The following IP6K1 variants were observed in gnomAD, a reference collection of about 807,000 sequenced individuals.
IP6K1 encodes the protein ATP:1D-myo-inositol-hexakisphosphate phosphotransferase.
In IP6K1, 13 loss-of-function variants were observed where a neutral mutation model predicts 38.3. The observed-to-expected ratio is 0.34, with a 90% confidence interval of 0.22 to 0.54. The LOEUF (loss-of-function observed/expected upper bound fraction) is 0.54. Ranked by LOEUF, IP6K1 falls within the 20% of genes least tolerant of loss-of-function variation. The probability of loss-of-function intolerance (pLI) is 0.92; values close to 1 mark genes in which losing one functional copy is unlikely to be tolerated. For missense variants in IP6K1, 397 were observed against 599.8 expected, an observed-to-expected ratio of 0.66 and a Z score of 3.53; for synonymous variants, 212 against 229.9, an observed-to-expected ratio of 0.92 and a Z score of 0.70.
intron 1 of IP6K1, among the ~76,000 whole-genome samples, chr3:49,777,463 T>A (rs1472510343): frequency 6.8e-6 from 1 of 147,840 alleles, no homozygotes; most frequent in Non-Finnish European, 1.5e-5. Context: ...CTCGGGAGGC[T>A]GAGGCAGGAG....
At chr3:49,781,876 A>G (rs759030640) in intron 1 of IP6K1, among the ~76,000 whole-genome samples, 1 of 152,032 alleles carries the variant, frequency 6.6e-6, no homozygotes, top group African/African-American at 2.4e-5. Context: ...CAAACCCAGG[A>G]GTTAGAGACC....
intron 2 of IP6K1, among the ~76,000 whole-genome samples, chr3:49,747,192 TA>T (rs1039595450): frequency 6.8e-6 from 1 of 148,084 alleles, no homozygotes; most frequent in African/African-American, 2.5e-5. Context: ...AAGCAGAATG[TA>T]AAAAAAAAAC....
chr3:49,772,319 T>C (rs115770773), intron 1 of IP6K1, among the ~76,000 whole-genome samples: 10,005 of 147,620 alleles, frequency 0.068, 472 homozygotes, highest in Non-Finnish European at 0.11. Flanking sequence ...ATATTTTATA[T>C]ATATAATATA....
rs1159442080 is a variant in IP6K1 at position 49,726,457 on chromosome 3, T to C, written c.*665A>G. 2 of 152,418 alleles carry C rather than the reference T, an allele frequency of 1.3e-5. No homozygotes were observed. The highest frequency in any genetic ancestry group is 3.9e-4 in the East Asian group (2 of 5,190). 9.4% of individuals were successfully genotyped at this position (152,418 alleles called of 1,614,324 possible). A position where few individuals can be genotyped will look rare whatever the true frequency, so the allele number is the denominator to read the frequency against. On this transcript the variant is annotated 3_prime_UTR_variant, in exon 6 of 6. Transcript: ENST00000321599. ...TTGGTGAGAGAGGCTGTTTCAGGAATAGGACAGGTGCCAACCTGTCACGTG... is the reference window on the plus strand; with the variant it reads ...TTGGTGAGAGAGGCTGTTTCAGGAACAGGACAGGTGCCAACCTGTCACGTG...
Position 49,742,216 on chromosome 3 carries a change from CTTCT to C in IP6K1, c.224-3798_224-3795del, listed in dbSNP as rs371111570. ...AATTCAATTAAACTAAAATTAATCCCTTCTTTCTAAGTCAAATGAAGCCCAATTT... is the reference window on the plus strand; with the variant it reads ...AATTCAATTAAACTAAAATTAATCCCTTCTAAGTCAAATGAAGCCCAATTT... On this transcript the variant is annotated intron_variant, in intron 2 of 5. Coordinates refer to ENST00000321599, the MANE Select transcript of IP6K1 (RefSeq NM_153273.4). Among the ~76,000 whole-genome samples the C allele has an allele frequency of 1.2e-4, 18 of 152,348 alleles. No homozygotes were observed. The East Asian group carries it at 2.3e-3, about 20-fold the overall frequency.
At chr3:49,745,935 T>C (rs1221765577) in intron 2 of IP6K1, among the ~76,000 whole-genome samples, 1 of 150,682 alleles carries the variant, frequency 6.6e-6, no homozygotes, top group Non-Finnish European at 1.5e-5. Context: ...TAAGAAGGTA[T>C]ACCAACAGAC....
At chr3:49,736,133 C>T (rs1367162357) in intron 3 of IP6K1, among the ~76,000 whole-genome samples, 1 of 152,174 alleles carries the variant, frequency 6.6e-6, no homozygotes, top group Non-Finnish European at 1.5e-5. Flanking sequence ...TCAGGCTGGT[C>T]TCGAACTCCT....
At chr3:49,770,591 G>C (rs1340376223) in intron 1 of IP6K1, among the ~76,000 whole-genome samples, 1 of 152,080 alleles carries the variant, frequency 6.6e-6, no homozygotes, top group Non-Finnish European at 1.5e-5. Flanking sequence ...GGTGTAGTGA[G>C]CGGAGATCAT....
intron 1 of IP6K1, among the ~76,000 whole-genome samples, chr3:49,783,133 G>GT (rs2081081705): frequency 6.9e-6 from 1 of 145,182 alleles, no homozygotes; most frequent in Non-Finnish European, 1.5e-5. Context: ...AAAAAAAAAA[G>GT]GCCAGGCATG....
chr3:49,742,913 A>G (rs2080682934), intron 2 of IP6K1, among the ~76,000 whole-genome samples: 2 of 151,504 alleles, frequency 1.3e-5, no homozygotes, highest in Non-Finnish European at 2.9e-5. Context: ...AAATAAATAA[A>G]TTGGACTAAA....
intron 1 of IP6K1, among the ~76,000 whole-genome samples, chr3:49,773,942 G>A (rs1406708100): frequency 6.6e-6 from 1 of 151,282 alleles, no homozygotes. Flanking sequence ...CCAGGAATTC[G>A]AGACCAGCAT....
intron 2 of IP6K1, among the ~76,000 whole-genome samples, chr3:49,740,870 T>G (rs1266783456): frequency 6.6e-6 from 1 of 151,634 alleles, no homozygotes; most frequent in African/African-American, 2.4e-5. Flanking sequence ...TTTTTTTTTT[T>G]TGAGATGGAA....
chr3:49,780,306 T>TCACACACACACACACACACACA (rs1405695613), intron 1 of IP6K1, among the ~76,000 whole-genome samples: 205 of 10,836 alleles, frequency 0.019, 2 homozygotes, highest in African/African-American at 0.044. Flanking sequence ...TTATCATCTT[T>TCACACACACACACACACACACA]CATACACACA....
At chr3:49,770,005 G>A (rs1224524758) in intron 1 of IP6K1, among the ~76,000 whole-genome samples, 1 of 151,956 alleles carries the variant, frequency 6.6e-6, no homozygotes, top group African/African-American at 2.4e-5. Flanking sequence ...CTTGAGCCCA[G>A]GAGTTCAAAA....
At chr3:49,730,691 C>T (rs771527149) in intron 4 of IP6K1, among the ~76,000 whole-genome samples, 1 of 152,014 alleles carries the variant, frequency 6.6e-6, no homozygotes, top group Non-Finnish European at 1.5e-5. Context: ...GAACTATAGG[C>T]GCATGCCACC....
intron 1 of IP6K1, among the ~76,000 whole-genome samples, chr3:49,777,393 C>T (rs1040902392): frequency 1.3e-5 from 2 of 151,570 alleles, no homozygotes; most frequent in African/African-American, 4.9e-5. Context: ...GAAACCCCAT[C>T]TCTACTAAAA....
Position 49,747,986 on chromosome 3 carries a change from C to G in IP6K1, c.55G>C (p.Ala19Pro), listed in dbSNP as rs779393912. The G allele has an allele frequency of 6.2e-7, 1 of 1,614,022 alleles. No individual in the cohort carries two copies. The highest frequency in any genetic ancestry group is 1.7e-5 in the Admixed American group (1 of 60,008). Residue 19 changes from alanine (A) to proline (P), a missense_variant, in exon 2 of 6, where the codon GCT becomes CCT. Ala to Pro is a conservative substitution (Grantham distance 27). Transcript: ENST00000321599. ...VGQYGKNASR[A>P]GDRGVLLEPF... ...TCCAGGAGGACTCCCCGGTCTCCAG[C>G]CCGACTTGCATTCTTGCCATACTGC...
intron 2 of IP6K1, among the ~76,000 whole-genome samples, chr3:49,739,203 C>T (rs1276871781): frequency 6.6e-6 from 1 of 152,142 alleles, no homozygotes; most frequent in East Asian, 1.9e-4. Context: ...CTGTCAGCTA[C>T]ATTTCTGCTT....
intron 1 of IP6K1, among the ~76,000 whole-genome samples, chr3:49,763,627 T>G (rs1193823581): frequency 7.2e-5 from 11 of 152,164 alleles, no homozygotes; most frequent in Non-Finnish European, 1.6e-4. Flanking sequence ...CTACTCATCA[T>G]ATTAACAGAA....
Sources: gnomAD v4.1 joint callset for allele counts (sites outside exome capture counted in the v4.1 genomes callset) on GRCh38, gnomAD v4.1.1 for gene constraint, MANE v1.5 for transcripts, NCBI Gene and HGNC (gene_info 2026-07-23, HGNC 2026-07-21) for gene names.